Variants in CREB5 observed in about 807,000 individuals in gnomAD.
CREB5 encodes cAMP responsive element binding protein 5.
In CREB5, 19 loss-of-function variants were observed where a neutral mutation model predicts 57.1. The ratio of observed to expected loss-of-function variants is 0.33; its 90% CI spans 0.23 to 0.49. The LOEUF is 0.49. Ranked by LOEUF, CREB5 falls within the 20% of genes least tolerant of loss-of-function variation. CREB5 has a pLI of 0.99. For missense variants in CREB5, 579 were observed against 671.6 expected, an observed-to-expected ratio of 0.86 and a Z score of 1.52; for synonymous variants, 238 against 238.3, an observed-to-expected ratio of 1.00 and a Z score of 0.01.
chr7:28,476,333 A>G (rs1321628836), intron 1 of CREB5, among the ~76,000 whole-genome samples: 3 of 152,232 alleles, frequency 2.0e-5, no homozygotes, highest in Non-Finnish European at 2.9e-5. Context: ...TATGCCACCA[A>G]ATGTATACAT....
intron 5 of CREB5, among the ~76,000 whole-genome samples, chr7:28,655,672 A>G (rs991701487): frequency 8.5e-5 from 13 of 152,322 alleles, no homozygotes; most frequent in Non-Finnish European, 1.8e-4. Context: ...GTTAAACTGA[A>G]CTATGCATTT....
At chr7:28,424,243 G>C (rs1419600779) in intron 1 of CREB5, among the ~76,000 whole-genome samples, 1 of 152,150 alleles carries the variant, frequency 6.6e-6, no homozygotes, top group Non-Finnish European at 1.5e-5. Context: ...CCTTTCTGAG[G>C]TACTGGGAGT....
At position 28,586,682 on chromosome 7, in the gene CREB5, C is replaced by T. The variant is rs532068695; in HGVS notation, c.464+16145C>T. Among the ~76,000 whole-genome samples the T allele has an allele frequency of 4.6e-5, 7 of 152,278 alleles. No homozygotes were observed. In the South Asian group the frequency reaches 8.3e-4, roughly 18 times the overall value. On this transcript the variant is annotated intron_variant, in intron 5 of 10. Transcript: ENST00000357727. Reference sequence around the variant, plus strand: ...GGGAAGCAACATGAATTCCAGACCTCGAAATCATTAAAAAATTCCAAACTA... The same window carrying T: ...GGGAAGCAACATGAATTCCAGACCTTGAAATCATTAAAAAATTCCAAACTA...
intron 1 of CREB5, among the ~76,000 whole-genome samples, chr7:28,417,980 C>T (rs1788091023): frequency 6.6e-6 from 1 of 152,162 alleles, no homozygotes; most frequent in Non-Finnish European, 1.5e-5. Context: ...CATGTAACCT[C>T]GTAGAAACCC....
chr7:28,609,639 T>C (rs186280954), intron 5 of CREB5, among the ~76,000 whole-genome samples: 2 of 152,356 alleles, frequency 1.3e-5, no homozygotes, highest in Admixed American at 1.3e-4. Flanking sequence ...TTCCTTTTGG[T>C]TCAAATCTGA....
intron 1 of CREB5, among the ~76,000 whole-genome samples, chr7:28,457,442 T>C (rs573018285): frequency 2.6e-5 from 4 of 152,274 alleles, no homozygotes; most frequent in African/African-American, 9.6e-5. Context: ...TTGCTGCTCA[T>C]TGGTGGATCT....
intron 7 of CREB5, among the ~76,000 whole-genome samples, chr7:28,736,921 A>G (rs1804016749): frequency 6.8e-6 from 1 of 147,748 alleles, no homozygotes; most frequent in Non-Finnish European, 1.5e-5. Flanking sequence ...GGAGCACATC[A>G]TTTCCCTGAA....
intron 7 of CREB5, among the ~76,000 whole-genome samples, chr7:28,798,685 C>G (rs1160033464): frequency 6.6e-6 from 1 of 152,208 alleles, no homozygotes. Context: ...CTGAAACTAC[C>G]TGTGCGTCAG....
At chr7:28,682,691 G>A (rs913877597) in intron 5 of CREB5, among the ~76,000 whole-genome samples, 8 of 148,802 alleles carry the variant, frequency 5.4e-5, no homozygotes, top group South Asian at 2.1e-4. Context: ...GTGGGGGGGG[G>A]GGGAAACCCC....
At chr7:28,561,631 CT>C (rs1219678112) in intron 4 of CREB5, among the ~76,000 whole-genome samples, 7 of 152,352 alleles carry the variant, frequency 4.6e-5, no homozygotes, top group African/African-American at 1.7e-4. Flanking sequence ...CATTCATTTA[CT>C]TGCAGAATAA....
At chr7:28,541,339 G>T (rs574417969) in intron 4 of CREB5, among the ~76,000 whole-genome samples, 2 of 152,044 alleles carry the variant, frequency 1.3e-5, no homozygotes, top group Non-Finnish European at 1.5e-5. Flanking sequence ...GAAAGAATGC[G>T]CAGAACCCAG....
At chr7:28,643,043 G>T (rs1465011401) in intron 5 of CREB5, among the ~76,000 whole-genome samples, 1 of 132,128 alleles carries the variant, frequency 7.6e-6, no homozygotes, top group Non-Finnish European at 1.6e-5. Context: ...CTTTGGGCTT[G>T]TCTAGCCCCA....
At chr7:28,586,014 C>CT (rs1177490897) in intron 5 of CREB5, among the ~76,000 whole-genome samples, 2 of 152,152 alleles carry the variant, frequency 1.3e-5, no homozygotes, top group African/African-American at 4.8e-5. Flanking sequence ...AACTTTGCAT[C>CT]TTTTTTTGGA....
At chr7:28,558,982 T>C (rs1794976481) in intron 4 of CREB5, among the ~76,000 whole-genome samples, 2 of 152,188 alleles carry the variant, frequency 1.3e-5, no homozygotes, top group South Asian at 4.1e-4. Context: ...GTGCAAATGC[T>C]CAGCATTTCT....
intron 7 of CREB5, among the ~76,000 whole-genome samples, chr7:28,757,589 C>T (rs1386824865): frequency 2.6e-5 from 4 of 151,604 alleles, no homozygotes; most frequent in South Asian, 4.2e-4. Context: ...AGGAGAATGG[C>T]GTGAACCCAG....
chr7:28,616,701 A>G (rs1391339459), intron 5 of CREB5, among the ~76,000 whole-genome samples: 1 of 152,218 alleles, frequency 6.6e-6, no homozygotes, highest in Non-Finnish European at 1.5e-5. Context: ...TTTTAAACAA[A>G]TAAAGCTACA....
intron 6 of CREB5, among the ~76,000 whole-genome samples, chr7:28,720,556 G>A (rs1050109070): frequency 9.9e-5 from 15 of 152,142 alleles, no homozygotes; most frequent in Non-Finnish European, 1.6e-4. Context: ...GCAGGGGAAC[G>A]GCGAAGGGCC....
intron 1 of CREB5, among the ~76,000 whole-genome samples, chr7:28,304,575 C>G (rs1184772728): frequency 1.3e-5 from 2 of 152,068 alleles, no homozygotes; most frequent in African/African-American, 4.8e-5. Context: ...CAAACTTGTT[C>G]CTATCTCTTT....
chr7:28,430,510 C>T (rs1788670921), intron 1 of CREB5, among the ~76,000 whole-genome samples: 2 of 152,164 alleles, frequency 1.3e-5, no homozygotes, highest in South Asian at 4.1e-4. Flanking sequence ...TTTTAAAATG[C>T]TATGCAAATT....
Sources: gnomAD v4.1 joint callset for allele counts (sites outside exome capture counted in the v4.1 genomes callset) on GRCh38, gnomAD v4.1.1 for gene constraint, MANE v1.5 for transcripts, NCBI Gene and HGNC (gene_info 2026-07-23, HGNC 2026-07-21) for gene names.